Variants in NETO2 observed in about 807,000 individuals in gnomAD.
The protein encoded by NETO2 is neuropilin and tolloid like 2.
In NETO2, 28 loss-of-function variants were observed where a neutral mutation model predicts 62.5. The ratio of observed to expected loss-of-function variants is 0.45; its 90% CI spans 0.33 to 0.61. The LOEUF (loss-of-function observed/expected upper bound fraction) is 0.61. NETO2 is among the 20% of genes least tolerant of loss of function. The pLI is 0.02. For synonymous variants in NETO2, 214 were observed against 219.1 expected (o/e 0.98, Z 0.21); for missense variants, 548 against 643.2 (o/e 0.85, Z 1.60).
intron 7 of NETO2, among the ~76,000 whole-genome samples, chr16:47,097,185 C>T (rs1287726387): frequency 6.6e-6 from 1 of 152,178 alleles, no homozygotes; most frequent in African/African-American, 2.4e-5. Context: ...TGTTCATTCC[C>T]CTGGAAAGGG....
intron 7 of NETO2, among the ~76,000 whole-genome samples, chr16:47,093,717 T>TA (rs1479502008): frequency 6.6e-6 from 1 of 152,216 alleles, no homozygotes; most frequent in Admixed American, 6.5e-5. Context: ...AGAAAGCCTG[T>TA]ATATGGTCAT....
intron 8 of NETO2, among the ~76,000 whole-genome samples, chr16:47,085,201 A>G (rs953948581): frequency 8.5e-5 from 13 of 152,220 alleles, no homozygotes; most frequent in African/African-American, 3.1e-4. Context: ...CAGTTCATAG[A>G]ATGTTTCTGC....
intron 7 of NETO2, among the ~76,000 whole-genome samples, chr16:47,103,433 T>C (rs1408397690): frequency 1.3e-5 from 2 of 152,112 alleles, no homozygotes; most frequent in Non-Finnish European, 2.9e-5. Flanking sequence ...ACTTCAAGTA[T>C]TGTAATAATA....
intron 1 of NETO2, among the ~76,000 whole-genome samples, chr16:47,138,830 C>A (rs764746374): frequency 7.2e-5 from 11 of 152,186 alleles, no homozygotes; most frequent in Non-Finnish European, 1.2e-4. Context: ...CTGGAGCCTG[C>A]GTGTCTCTCT....
chr16:47,084,269 A>G (rs1200966872), intron 8 of NETO2, among the ~76,000 whole-genome samples: 2 of 152,234 alleles, frequency 1.3e-5, no homozygotes, highest in African/African-American at 4.8e-5. Context: ...TTGAATGATT[A>G]ACTGAAAACA....
At chr16:47,092,985 T>C (rs1230098471) in intron 7 of NETO2, among the ~76,000 whole-genome samples, 1 of 152,238 alleles carries the variant, frequency 6.6e-6, no homozygotes, top group Non-Finnish European at 1.5e-5. Flanking sequence ...CACTCTTCTT[T>C]GTCCTCACTG....
chr16:47,140,279 C>G (rs1333248305), intron 1 of NETO2, among the ~76,000 whole-genome samples: 2 of 152,078 alleles, frequency 1.3e-5, no homozygotes, highest in African/African-American at 2.4e-5. Context: ...ACTCAAAGAT[C>G]ATAATAATTT....
chr16:47,113,203 T>C (rs1596725378), intron 6 of NETO2, among the ~76,000 whole-genome samples: 1 of 152,240 alleles, frequency 6.6e-6, no homozygotes, highest in East Asian at 1.9e-4. Context: ...TTTATATACA[T>C]TTTTCTCTTT....
chr16:47,091,150 T>C (rs1010942768), intron 7 of NETO2, among the ~76,000 whole-genome samples: 6 of 152,204 alleles, frequency 3.9e-5, no homozygotes, highest in African/African-American at 1.4e-4. Context: ...CTCTGTTAAA[T>C]CCCTTATTTT....
intron 7 of NETO2, among the ~76,000 whole-genome samples, chr16:47,086,767 G>T (rs2143803719): frequency 1.3e-5 from 2 of 152,256 alleles, no homozygotes; most frequent in Middle Eastern, 6.8e-3. Flanking sequence ...ATTACCGTAT[G>T]ATCCAGCAAT....
intron 1 of NETO2, among the ~76,000 whole-genome samples, chr16:47,133,338 G>A (rs969807505): frequency 6.6e-6 from 1 of 151,896 alleles, no homozygotes; most frequent in Non-Finnish European, 1.5e-5. Context: ...CACCTTGGGA[G>A]GCTGAGGCGA....
intron 6 of NETO2, among the ~76,000 whole-genome samples, chr16:47,115,734 T>TATAC (rs1284230818): frequency 4.9e-5 from 7 of 142,496 alleles, no homozygotes; most frequent in African/African-American, 1.6e-4. Context: ...TATATATACA[T>TATAC]GTATATATAT....
At chr16:47,091,987 T>C (rs1963322130) in intron 7 of NETO2, among the ~76,000 whole-genome samples, 1 of 151,834 alleles carries the variant, frequency 6.6e-6, no homozygotes, top group African/African-American at 2.4e-5. Context: ...GAACCACAGG[T>C]TTGCACCACC....
intron 4 of NETO2, among the ~76,000 whole-genome samples, chr16:47,127,456 G>T (rs955290874): frequency 6.6e-6 from 1 of 152,208 alleles, no homozygotes; most frequent in African/African-American, 2.4e-5. Context: ...CACACATATA[G>T]TTTTTTAAAA....
intron 6 of NETO2, among the ~76,000 whole-genome samples, chr16:47,120,840 T>A (rs1484064048): frequency 6.6e-6 from 1 of 152,244 alleles, no homozygotes; most frequent in Admixed American, 6.5e-5. Flanking sequence ...CTTAAATTTT[T>A]TTTTCCTGCT....
rs1308929406 is a variant in NETO2 at position 47,081,397 on chromosome 16, G to A, written c.*1824C>T. ...GCATCAAGTCTTTTCATGTTTCCAC[G>A]TTATATTTTTAAAACAAGAAACTAG... On this transcript the variant is annotated 3_prime_UTR_variant, in exon 9 of 9. Transcript: ENST00000562435. 2.6e-5 allele frequency: 4 copies of A among 152,140 alleles called. No homozygotes were observed. Among genetic ancestry groups the A allele is most frequent in the Admixed American group, 6.6e-5 (1 of 15,262 alleles). 9.4% of individuals were successfully genotyped at this position (152,140 alleles called of 1,614,324 possible). A position where few individuals can be genotyped will look rare whatever the true frequency, so the allele number is the denominator to read the frequency against.
rs916565107 is a variant in NETO2 at position 47,080,841 on chromosome 16, A to C, written c.*2380T>G. On this transcript the variant is annotated 3_prime_UTR_variant, in exon 9 of 9. Coordinates refer to ENST00000562435, the MANE Select transcript of NETO2 (RefSeq NM_018092.5). ...TTTTACATTCTGAAGAAATGTTCCT[A>C]TATACAGACCCTCATGCTGTAGTTC... 6.6e-6 allele frequency: 1 copy of C among 152,196 alleles called. No individual in the cohort carries two copies. Among genetic ancestry groups the C allele is most frequent in the African/African-American group, 2.4e-5 (1 of 41,452 alleles). The allele number at this position is 152,196 out of a possible 1,614,324, so 9.4% of individuals were successfully genotyped here.
Position 47,143,786 on chromosome 16 carries a change from C to T in NETO2, c.-174G>A. ...CCTGCGGCCCGCCATGCCCGAGCCC[C>T]ACAGTGGGCTCCCGCGCGGCCCGAG... On this transcript the variant is annotated 5_prime_UTR_variant, in exon 1 of 9. An upstream open reading frame in the 5' UTR gains an earlier in-frame stop. Coordinates refer to ENST00000562435, the MANE Select transcript of NETO2 (RefSeq NM_018092.5). 1 of 892,916 alleles carries T rather than the reference C, an allele frequency of 1.1e-6. No homozygotes were observed. Among genetic ancestry groups the T allele is most frequent in the Non-Finnish European group, 1.5e-6 (1 of 689,600 alleles). The allele number at this position is 892,916 out of a possible 1,614,324, so 55.3% of individuals were successfully genotyped here.
intron 1 of NETO2, among the ~76,000 whole-genome samples, chr16:47,137,875 G>A (rs994499452): frequency 2.6e-5 from 4 of 152,148 alleles, no homozygotes; most frequent in Non-Finnish European, 4.4e-5. Flanking sequence ...GCTCTGTCAT[G>A]CGAACAAGCT....
Sources: gnomAD v4.1 joint callset for allele counts (sites outside exome capture counted in the v4.1 genomes callset) on GRCh38, gnomAD v4.1.1 for gene constraint, MANE v1.5 for transcripts, NCBI Gene and HGNC (gene_info 2026-07-23, HGNC 2026-07-21) for gene names.